The following STK10 variants were observed in gnomAD, a reference collection of about 807,000 sequenced individuals.
The protein encoded by STK10 is serine/threonine-protein kinase 10.
In STK10, 78 loss-of-function variants were observed where a neutral mutation model predicts 113.8. That is an observed-to-expected ratio of 0.69 (90% confidence interval 0.57 to 0.83). STK10 has a LOEUF of 0.83. Among genes scored for constraint, STK10 ranks in the 40% least tolerant of loss-of-function variants. STK10 has a pLI of 0.00. For synonymous variants in STK10, 465 were observed against 494.7 expected (o/e 0.94, Z 0.80); for missense variants, 1,109 against 1,280.1 (o/e 0.87, Z 2.04).
At chr5:172,075,817 T>C (rs1768292841) in intron 12 of STK10, among the ~76,000 whole-genome samples, 1 of 152,206 alleles carries the variant, frequency 6.6e-6, no homozygotes, top group South Asian at 2.1e-4. Context: ...CCTATCAGAA[T>C]GGCTAAAAAA....
chr5:172,165,345 G>C (rs1003604724), intron 1 of STK10, among the ~76,000 whole-genome samples: 1 of 152,178 alleles, frequency 6.6e-6, no homozygotes, highest in Admixed American at 6.5e-5. Context: ...AGAGACCAGG[G>C]TCCCATCTGT....
intron 1 of STK10, among the ~76,000 whole-genome samples, chr5:172,167,376 G>C (rs1044115599): frequency 3.9e-5 from 6 of 152,086 alleles, no homozygotes; most frequent in Non-Finnish European, 5.9e-5. Flanking sequence ...AACAAAATAG[G>C]ATAATGAAAT....
At chr5:172,065,121 C>T (rs1411422648) in intron 12 of STK10, among the ~76,000 whole-genome samples, 2 of 152,158 alleles carry the variant, frequency 1.3e-5, no homozygotes, top group African/African-American at 4.8e-5. Flanking sequence ...TGTTTCTCAA[C>T]CTTTTTAAAA....
intron 3 of STK10, among the ~76,000 whole-genome samples, chr5:172,118,878 C>CAAAAAAAAAAAAAAA (rs3028101): frequency 6.9e-4 from 49 of 71,288 alleles, no homozygotes; most frequent in African/African-American, 2.3e-3. Context: ...GACTCAGTCT[C>CAAAAAAAAAAAAAAA]AAAAAAAAAA....
chr5:172,059,461 A>G (rs1255533732), intron 14 of STK10, among the ~76,000 whole-genome samples: 1 of 149,064 alleles, frequency 6.7e-6, no homozygotes, highest in Non-Finnish European at 1.5e-5. Flanking sequence ...AAAAAAGCTC[A>G]AACCAAGCAG....
intron 4 of STK10, among the ~76,000 whole-genome samples, chr5:172,113,452 G>T (rs1400420784): frequency 2.0e-5 from 3 of 152,096 alleles, no homozygotes; most frequent in Non-Finnish European, 4.4e-5. Flanking sequence ...TTTCCTCAGG[G>T]CTCTGATAGG....
At chr5:172,107,425 C>T (rs957405477) in intron 5 of STK10, among the ~76,000 whole-genome samples, 1 of 152,214 alleles carries the variant, frequency 6.6e-6, no homozygotes, top group African/African-American at 2.4e-5. Context: ...GTACTGTTCA[C>T]CTTCACGGTC....
rs79510245 is a variant in STK10 at position 172,115,599 on chromosome 5, T to C, written c.520+1882A>G. Among the ~76,000 whole-genome samples the C allele has an allele frequency of 8.5e-5, 13 of 152,228 alleles. No individual in the cohort carries two copies. In the East Asian group the frequency reaches 1.4e-3, roughly 16 times the overall value. ...TCTGCCTTAACTCTTAGGAAGTGGG[T>C]TTTTATCATTTGCCACTAAGAGAGG... On this transcript the variant is annotated intron_variant, in intron 4 of 18. Transcript: ENST00000176763.
At chr5:172,134,079 A>AACT (rs1438078982) in intron 2 of STK10, among the ~76,000 whole-genome samples, 3 of 152,278 alleles carry the variant, frequency 2.0e-5, no homozygotes, top group African/African-American at 7.2e-5. Context: ...ACACTTTGAG[A>AACT]ACTACTGCTC....
intron 14 of STK10, among the ~76,000 whole-genome samples, chr5:172,059,147 G>A (rs1206105443): frequency 4.6e-5 from 7 of 151,880 alleles, no homozygotes; most frequent in Admixed American, 3.3e-4. Context: ...GGAGAATGGC[G>A]CAGTGGCTCA....
chr5:172,080,302 A>G (rs1260466525), intron 12 of STK10, among the ~76,000 whole-genome samples: 1 of 152,128 alleles, frequency 6.6e-6, no homozygotes, highest in African/African-American at 2.4e-5. Flanking sequence ...ACACAACGAT[A>G]TTGATATTAG....
In STK10 at chr5:172,082,599, A is replaced by G. The variant is rs953821738; in HGVS notation, c.1810-94T>C. ...GAATGGGGAGAACTCAGAGCTTGTG[A>G]TCAGACCTAAGCTTGAATCCCAGCT... On this transcript the variant is annotated intron_variant, in intron 11 of 18. Transcript: ENST00000176763. The surrounding 1 kb of genome is among the most constrained non-coding windows in gnomAD (Gnocchi z 4.3). 1.8e-5 allele frequency: 26 copies of G among 1,438,646 alleles called. No individual in the cohort carries two copies. Among genetic ancestry groups the G allele is most frequent in the Non-Finnish European group, 2.3e-5 (25 of 1,075,448 alleles). The allele number at this position is 1,438,646 out of a possible 1,614,324, so 89.1% of individuals were successfully genotyped here.
At chr5:172,098,888 TCA>T (rs1768914214) in intron 7 of STK10, among the ~76,000 whole-genome samples, 1 of 151,136 alleles carries the variant, frequency 6.6e-6, no homozygotes, top group South Asian at 2.1e-4. Flanking sequence ...ATCATCACCT[TCA>T]CCACCATCAC....
At position 172,049,040 on chromosome 5, in the gene STK10, A is replaced by G. The variant is rs138276200; in HGVS notation, c.2766+3889T>C. Among the ~76,000 whole-genome samples, 525 of 151,796 alleles carry G rather than the reference A, an allele frequency of 3.5e-3. 2 individuals carry two copies. Among genetic ancestry groups the G allele is most frequent in the Middle Eastern group, 0.014 (4 of 294 alleles). On this transcript the variant is annotated intron_variant, in intron 18 of 18. Transcript: ENST00000176763. ...CTTGGCTCAGATGTCATCTTCTTAG[A>G]CGACATCTTCCTGCCACACCGTCTG...
At chr5:172,119,838 T>C (rs903582508) in intron 3 of STK10, among the ~76,000 whole-genome samples, 12 of 149,974 alleles carry the variant, frequency 8.0e-5, no homozygotes, top group African/African-American at 3.0e-4. Flanking sequence ...CACTCCAGCC[T>C]GGGCGACAGA....
intron 2 of STK10, among the ~76,000 whole-genome samples, chr5:172,152,929 A>G (rs1440742074): frequency 1.3e-5 from 2 of 152,230 alleles, no homozygotes; most frequent in African/African-American, 4.8e-5. Context: ...AATAAATTAT[A>G]TTATGGAAAC....
chr5:172,106,459 GC>G (rs1769113096), intron 6 of STK10, among the ~76,000 whole-genome samples, 160 bp downstream of exon 6: 3 of 147,972 alleles, frequency 2.0e-5, no homozygotes, highest in African/African-American at 7.5e-5. Flanking sequence ...GCCCGGGGGG[GC>G]TCAGAAACGC....
At chr5:172,110,587 A>G (rs750543148) in intron 4 of STK10, among the ~76,000 whole-genome samples, 6 of 152,164 alleles carry the variant, frequency 3.9e-5, no homozygotes, top group Non-Finnish European at 7.3e-5. Flanking sequence ...AGAAAACTGC[A>G]AACAGACTGG....
chr5:172,158,433 G>T (rs1293151230), intron 1 of STK10, among the ~76,000 whole-genome samples: 2 of 152,154 alleles, frequency 1.3e-5, no homozygotes, highest in Non-Finnish European at 2.9e-5. Flanking sequence ...TTCGAGACCA[G>T]CCTGGCCAAC....
Sources: allele counts gnomAD v4.1 joint callset (sites outside exome capture counted in the v4.1 genomes callset), GRCh38; gene constraint gnomAD v4.1.1; non-coding constraint Gnocchi (gnomAD v3.1); transcripts MANE v1.5; gene names NCBI Gene and HGNC (gene_info 2026-07-23, HGNC 2026-07-21).